The following RPS6KC1 variants were observed in gnomAD, a reference collection of about 807,000 sequenced individuals.
RPS6KC1 encodes the protein ribosomal protein S6 kinase C1.
A neutral mutation model predicts 103.8 loss-of-function variants in RPS6KC1; 54 were observed. The observed-to-expected ratio is 0.52, with a 90% CI of 0.42 to 0.65. The LOEUF is 0.65. Ranked by LOEUF, RPS6KC1 falls within the 30% of genes least tolerant of loss-of-function variation. The pLI is 0.00. For synonymous variants in RPS6KC1, 439 were observed against 438.7 expected (o/e 1.00, Z -0.01); for missense variants, 1,151 against 1,253.8 (o/e 0.92, Z 1.24).
the RPS6KC1 span, among the ~76,000 whole-genome samples, chr1:213,513,669 T>C: frequency 1.2e-4 from 19 of 152,190 alleles, no homozygotes; most frequent in Non-Finnish European, 2.2e-4. Context: ...AACTTACCAT[T>C]TGAATGCCTG....
chr1:213,137,795 A>G (rs71634702), intron 6 of RPS6KC1, among the ~76,000 whole-genome samples: 212 of 39,898 alleles, frequency 5.3e-3, no homozygotes, highest in African/African-American at 0.015. Context: ...ATATATATAT[A>G]TATATTTTTT....
At chr1:213,098,071 C>T (rs2081630879) in intron 3 of RPS6KC1, among the ~76,000 whole-genome samples, 4 of 152,148 alleles carry the variant, frequency 2.6e-5, no homozygotes, top group Admixed American at 2.0e-4. Context: ...TTTGTATTCA[C>T]GACTTGGCTA....
chr1:213,857,426 C>T, the RPS6KC1 span, among the ~76,000 whole-genome samples: 160 of 152,314 alleles, frequency 1.1e-3, no homozygotes, highest in African/African-American at 3.6e-3. Context: ...TGTGTTCACA[C>T]CTTCCCGTTA....
the RPS6KC1 span, among the ~76,000 whole-genome samples, chr1:213,711,890 C>T: frequency 6.6e-6 from 1 of 152,162 alleles, no homozygotes; most frequent in Non-Finnish European, 1.5e-5. Context: ...CAGGAAGCTT[C>T]GTCCCCGAAG....
the RPS6KC1 span, among the ~76,000 whole-genome samples, chr1:213,411,388 C>G: frequency 6.6e-6 from 1 of 152,140 alleles, no homozygotes. Context: ...TCTTGTGATA[C>G]AGTAGGCCAT....
intron 12 of RPS6KC1, among the ~76,000 whole-genome samples, chr1:213,253,233 G>C (rs987384734): frequency 2.6e-5 from 4 of 152,112 alleles, no homozygotes; most frequent in Non-Finnish European, 5.9e-5. Context: ...ATGGGGATGG[G>C]TAACTATATT....
the RPS6KC1 span, among the ~76,000 whole-genome samples, chr1:213,508,530 TTG>T: frequency 2.0e-5 from 3 of 150,980 alleles, no homozygotes; most frequent in Non-Finnish European, 3.0e-5. Context: ...AGTAAGGGGT[TTG>T]TGTGTGTGTG....
At chr1:213,245,053 A>G (rs969610697) in intron 12 of RPS6KC1, among the ~76,000 whole-genome samples, 2 of 152,204 alleles carry the variant, frequency 1.3e-5, no homozygotes, top group African/African-American at 2.4e-5. Context: ...CAGTGTTCTT[A>G]TTAAGATGAC....
the RPS6KC1 span, among the ~76,000 whole-genome samples, chr1:213,655,496 TC>T: frequency 1.3e-4 from 20 of 152,308 alleles, no homozygotes; most frequent in Middle Eastern, 6.8e-3. Flanking sequence ...TCATCCATTA[TC>T]CCCTCACTTG....
chr1:213,199,620 C>G (rs1355707008), intron 8 of RPS6KC1, among the ~76,000 whole-genome samples: 2 of 152,160 alleles, frequency 1.3e-5, no homozygotes, highest in African/African-American at 4.8e-5. Flanking sequence ...CACTCTTATT[C>G]AACATAGTAT....
chr1:213,365,869 G>A, the RPS6KC1 span, among the ~76,000 whole-genome samples: 2 of 152,242 alleles, frequency 1.3e-5, no homozygotes, highest in Non-Finnish European at 2.9e-5. Flanking sequence ...CAGAAAAACA[G>A]CAATAGACAA....
chr1:213,281,088 A>G, the RPS6KC1 span, among the ~76,000 whole-genome samples: 1 of 152,056 alleles, frequency 6.6e-6, no homozygotes, highest in African/African-American at 2.4e-5. Context: ...TGGTTAGGAA[A>G]TGTAGTATCT....
the RPS6KC1 span, among the ~76,000 whole-genome samples, chr1:213,430,322 A>G: frequency 3.9e-5 from 6 of 152,206 alleles, no homozygotes; most frequent in African/African-American, 1.4e-4. Context: ...AGAAAATGAG[A>G]TAGTTTTTAG....
intron 8 of RPS6KC1, among the ~76,000 whole-genome samples, chr1:213,205,547 G>GATATAGATATATATATATATATATAT (rs1187996128): frequency 3.7e-4 from 38 of 102,444 alleles, no homozygotes; most frequent in African/African-American, 1.1e-3. Context: ...TATATATATA[G>GATATAGATATATATATATATATATAT]ATATATATAT....
the RPS6KC1 span, among the ~76,000 whole-genome samples, chr1:213,813,327 T>G: frequency 6.6e-6 from 1 of 151,644 alleles, no homozygotes; most frequent in Non-Finnish European, 1.5e-5. Context: ...TTTAATCATC[T>G]CTCCCTTGTC....
At chr1:213,158,996 C>T (rs6677941) in intron 6 of RPS6KC1, among the ~76,000 whole-genome samples, 1 of 152,040 alleles carries the variant, frequency 6.6e-6, no homozygotes, top group Non-Finnish European at 1.5e-5. Context: ...ATGATGATCT[C>T]TCATGTAGTG....
chr1:213,121,260 G>A (rs990618082), intron 5 of RPS6KC1, among the ~76,000 whole-genome samples: 2 of 152,130 alleles, frequency 1.3e-5, no homozygotes, highest in Non-Finnish European at 2.9e-5. Context: ...CAGTTACTTT[G>A]TAGTAGCATG....
At chr1:213,355,976 A>G in the RPS6KC1 span, among the ~76,000 whole-genome samples, 1 of 152,196 alleles carries the variant, frequency 6.6e-6, no homozygotes, top group Non-Finnish European at 1.5e-5. Flanking sequence ...TGTTATGAGG[A>G]TTAAATGGGC....
chr1:213,409,619 G>A, the RPS6KC1 span, among the ~76,000 whole-genome samples: 2 of 152,192 alleles, frequency 1.3e-5, no homozygotes, highest in Non-Finnish European at 2.9e-5. Context: ...TGAACTGAAA[G>A]TTCAGATTTG....
Sources: gnomAD v4.1 joint callset for allele counts (sites outside exome capture counted in the v4.1 genomes callset) on GRCh38, gnomAD v4.1.1 for gene constraint, MANE v1.5 for transcripts, NCBI Gene and HGNC (gene_info 2026-07-23, HGNC 2026-07-21) for gene names.